The following ZBTB7C variants were observed in gnomAD, a reference collection of about 807,000 sequenced individuals.
ZBTB7C encodes zinc finger and BTB domain-containing protein 7C.
In ZBTB7C, 8 loss-of-function variants were observed where a neutral mutation model predicts 25.7. The ratio of observed to expected loss-of-function variants is 0.31; its 90% CI spans 0.18 to 0.56. The LOEUF (loss-of-function observed/expected upper bound fraction) is 0.56, where lower values mean the gene tolerates loss of function less well. ZBTB7C is among the 20% of genes least tolerant of loss of function. The pLI is 0.91. For synonymous variants in ZBTB7C, 394 were observed against 369.0 expected (o/e 1.07, Z -0.78); for missense variants, 824 against 855.2 (o/e 0.96, Z 0.46).
intron 3 of ZBTB7C, among the ~76,000 whole-genome samples, chr18:48,054,260 T>C (rs2036821717): frequency 6.6e-6 from 1 of 152,114 alleles, no homozygotes; most frequent in African/African-American, 2.4e-5. Flanking sequence ...CAAGAAGCAG[T>C]CCTGGAGCAG....
At chr18:48,093,631 C>T (rs1185223619) in intron 3 of ZBTB7C, among the ~76,000 whole-genome samples, 1 of 151,456 alleles carries the variant, frequency 6.6e-6, no homozygotes, top group Non-Finnish European at 1.5e-5. Flanking sequence ...AAAAAACACA[C>T]ACACAGAGAT....
chr18:48,176,155 C>T (rs1013278442), intron 3 of ZBTB7C, among the ~76,000 whole-genome samples: 1 of 152,316 alleles, frequency 6.6e-6, no homozygotes, highest in South Asian at 2.1e-4. Flanking sequence ...ATGAGGGCCT[C>T]CTGATGATGC....
intron 3 of ZBTB7C, among the ~76,000 whole-genome samples, chr18:48,127,423 A>T (rs1299302940): frequency 6.6e-6 from 1 of 152,158 alleles, no homozygotes. Flanking sequence ...CTTCATTTTT[A>T]GTTCTGGTCT....
chr18:48,278,973 G>A (rs2044750737), intron 2 of ZBTB7C, among the ~76,000 whole-genome samples: 1 of 150,760 alleles, frequency 6.6e-6, no homozygotes, highest in Non-Finnish European at 1.5e-5. Context: ...ATCAATTGGA[G>A]AATCTTGCTG....
At chr18:48,107,580 A>G (rs754323109) in intron 3 of ZBTB7C, among the ~76,000 whole-genome samples, 46 of 152,018 alleles carry the variant, frequency 3.0e-4, no homozygotes, top group Admixed American at 5.9e-4. Context: ...TGGTGATAAG[A>G]AAGTGGAGAT....
chr18:48,376,757 T>C (rs2047528772), intron 1 of ZBTB7C, among the ~76,000 whole-genome samples: 1 of 152,230 alleles, frequency 6.6e-6, no homozygotes, highest in African/African-American at 2.4e-5. Context: ...CTGTAAATGC[T>C]GTTGTCATTC....
intron 2 of ZBTB7C, among the ~76,000 whole-genome samples, chr18:48,238,662 T>C (rs907319300): frequency 1.3e-5 from 2 of 152,196 alleles, no homozygotes; most frequent in African/African-American, 4.8e-5. Context: ...TGACTTTATC[T>C]TACAGGGTTC....
intron 1 of ZBTB7C, among the ~76,000 whole-genome samples, chr18:48,352,862 G>T (rs557178482): frequency 6.6e-6 from 1 of 152,230 alleles, no homozygotes; most frequent in East Asian, 1.9e-4. Flanking sequence ...ACTGTGTTGG[G>T]AGGGCTGGGA....
rs8097448 is a variant in ZBTB7C, at chr18:48,166,802, T to G, written c.-17+19132A>C. On this transcript the variant is annotated intron_variant, in intron 3 of 4. Transcript: ENST00000590800. ...ATTTGGTGATGGTTTTGCTGAAGTG[T>G]GCCTGGAAGCTGCTGTCCACACTGG... is the stretch of plus-strand genomic sequence containing the variant. 2.0e-5 allele frequency among the ~76,000 whole-genome samples: 3 copies of G among 151,990 alleles called. No homozygotes were observed. In the East Asian group the frequency reaches 5.8e-4, roughly 29 times the overall value.
intron 2 of ZBTB7C, among the ~76,000 whole-genome samples, chr18:48,315,440 T>C (rs1401293193): frequency 6.6e-6 from 1 of 152,122 alleles, no homozygotes; most frequent in Non-Finnish European, 1.5e-5. Context: ...ATGTCCAAGG[T>C]AGTCAGTTTC....
intron 2 of ZBTB7C, among the ~76,000 whole-genome samples, chr18:48,227,051 G>GAAAAAA (rs368223658): frequency 2.9e-5 from 4 of 140,164 alleles, no homozygotes; most frequent in Admixed American, 1.4e-4. Context: ...AAAAGAAAAA[G>GAAAAAA]AAAAAAAAAA....
chr18:48,039,759 T>C, intron 4 of ZBTB7C, 141 bp downstream of exon 4: 1 of 851,536 alleles, frequency 1.2e-6, no homozygotes, highest in Admixed American at 2.1e-5. Context: ...AGGTGATGCC[T>C]AGCACCCCTG....
chr18:48,030,107 G>A (rs1004380439), intron 4 of ZBTB7C, among the ~76,000 whole-genome samples, 196 bp from the exon 5 acceptor site: 2 of 152,094 alleles, frequency 1.3e-5, no homozygotes, highest in Non-Finnish European at 2.9e-5. Flanking sequence ...CTGGATTAAA[G>A]GGATGCGGAA....
rs999184286 is a variant in ZBTB7C, at chr18:48,115,002, T to C, written c.-17+70932A>G. ...TAATTAAATCCACAGTGTTGTGCAA[T>C]CATTGCTATGATCTATTCCCAAAAC... On this transcript the variant is annotated intron_variant, in intron 3 of 4. Coordinates refer to ENST00000590800, the MANE Select transcript of ZBTB7C (RefSeq NM_001318841.2). Among the ~76,000 whole-genome samples the C allele has an allele frequency of 1.1e-4, 17 of 152,236 alleles. 1 individual carries two copies. Among genetic ancestry groups the C allele is most frequent in the African/African-American group, 4.1e-4 (17 of 41,466 alleles).
chr18:48,241,505 T>C (rs908048122), intron 2 of ZBTB7C, among the ~76,000 whole-genome samples: 1 of 152,014 alleles, frequency 6.6e-6, no homozygotes, highest in African/African-American at 2.4e-5. Flanking sequence ...TATCAAGTAC[T>C]CTCTCAGACC....
chr18:48,402,395 A>C (rs1042917637), intron 1 of ZBTB7C, among the ~76,000 whole-genome samples: 1 of 152,234 alleles, frequency 6.6e-6, no homozygotes, highest in Non-Finnish European at 1.5e-5. Context: ...ACGATGACTT[A>C]GTAATGTGAT....
intron 3 of ZBTB7C, among the ~76,000 whole-genome samples, chr18:48,170,834 C>T (rs1024600689): frequency 9.4e-5 from 13 of 137,716 alleles, no homozygotes; most frequent in Admixed American, 4.9e-4. Context: ...TGACCGAGAA[C>T]CCCCCGCCCC....
At chr18:48,221,632 T>A (rs1187438290) in intron 2 of ZBTB7C, among the ~76,000 whole-genome samples, 20 of 148,448 alleles carry the variant, frequency 1.3e-4, no homozygotes, top group Admixed American at 1.1e-3. Context: ...TATACTGTCC[T>A]AGTCTCCTCT....
intron 2 of ZBTB7C, among the ~76,000 whole-genome samples, chr18:48,202,063 C>T (rs1254975366): frequency 2.0e-5 from 3 of 152,344 alleles, no homozygotes; most frequent in Non-Finnish European, 2.9e-5. Flanking sequence ...TGCAGGTCAG[C>T]GGAGAGCTGA....
Sources: gnomAD v4.1 joint callset for allele counts (sites outside exome capture counted in the v4.1 genomes callset) on GRCh38, gnomAD v4.1.1 for gene constraint, MANE v1.5 for transcripts, NCBI Gene and HGNC (gene_info 2026-07-23, HGNC 2026-07-21) for gene names.